KCNH7: variants seen among roughly 807,000 people sequenced by gnomAD.
KCNH7 encodes the protein potassium voltage-gated channel subfamily H member 7.
In KCNH7, 49 loss-of-function variants were observed where a neutral mutation model predicts 120.8. The ratio of observed to expected loss-of-function variants is 0.41; its 90% CI spans 0.32 to 0.51. The LOEUF (loss-of-function observed/expected upper bound fraction) is 0.51, where lower values mean the gene tolerates loss of function less well. Among genes scored for constraint, KCNH7 ranks in the 20% least tolerant of loss-of-function variants. The pLI is 0.38. For missense variants in KCNH7, 1,097 were observed against 1,446.6 expected (o/e 0.76, Z 3.92); for synonymous variants, 547 against 516.1 (o/e 1.06, Z -0.81).
At chr2:162,507,678 A>G (rs1339829650) in intron 5 of KCNH7, among the ~76,000 whole-genome samples, 1 of 151,628 alleles carries the variant, frequency 6.6e-6, no homozygotes, top group Non-Finnish European at 1.5e-5. Flanking sequence ...ATTGCATTAT[A>G]TCACAGAAGG....
chr2:162,423,986 C>T (rs1687783338), intron 8 of KCNH7, among the ~76,000 whole-genome samples: 1 of 152,032 alleles, frequency 6.6e-6, no homozygotes, highest in Admixed American at 6.6e-5. Flanking sequence ...TTATTTCTGC[C>T]TTTCAGCCTC....
chr2:162,838,624 G>C lies in KCNH7; in HGVS notation c.-106C>G. On this transcript the variant is annotated 5_prime_UTR_variant, in exon 1 of 16. Coordinates refer to ENST00000332142, the MANE Select transcript of KCNH7 (RefSeq NM_033272.4). ...AGCGCGCGAGCCGCTCTTTGTGGCAGAGCATCCTCTTTTGAAACCAGAATT... is the reference window on the plus strand; with the variant it reads ...AGCGCGCGAGCCGCTCTTTGTGGCACAGCATCCTCTTTTGAAACCAGAATT... The C allele has an allele frequency of 1.2e-6, 1 of 821,128 alleles. No individual in the cohort carries two copies. Among genetic ancestry groups the C allele is most frequent in the Non-Finnish European group, 2.0e-6 (1 of 511,300 alleles). 50.9% of individuals were successfully genotyped at this position (821,128 alleles called of 1,614,324 possible).
intron 2 of KCNH7, among the ~76,000 whole-genome samples, chr2:162,577,502 T>C (rs1693728645): frequency 6.6e-6 from 1 of 151,968 alleles, no homozygotes; most frequent in South Asian, 2.1e-4. Flanking sequence ...TGGCCTTTAA[T>C]TGAGAAAATA....
chr2:162,778,490 A>G (rs1408566394), intron 2 of KCNH7, among the ~76,000 whole-genome samples: 2 of 152,146 alleles, frequency 1.3e-5, no homozygotes, highest in African/African-American at 4.8e-5. Flanking sequence ...CAAATCCTTT[A>G]TCTTCTCATT....
chr2:162,705,974 G>T (rs2105350185), intron 2 of KCNH7, among the ~76,000 whole-genome samples: 1 of 152,254 alleles, frequency 6.6e-6, no homozygotes, highest in South Asian at 2.1e-4. Flanking sequence ...AAATGTACTT[G>T]ATTTAAAAGT....
intron 2 of KCNH7, among the ~76,000 whole-genome samples, chr2:162,679,090 T>C (rs955163903): frequency 3.3e-5 from 5 of 151,628 alleles, no homozygotes; most frequent in Admixed American, 6.6e-5. Context: ...AGCAGCATGT[T>C]ATCCTGGAAT....
intron 2 of KCNH7, among the ~76,000 whole-genome samples, chr2:162,627,372 A>G (rs1683597926): frequency 6.6e-6 from 1 of 152,200 alleles, no homozygotes; most frequent in Admixed American, 6.5e-5. Flanking sequence ...ATAGTTAAAT[A>G]TATGAAAAAA....
At chr2:162,453,621 G>A (rs551207158) in intron 6 of KCNH7, among the ~76,000 whole-genome samples, 37 of 151,994 alleles carry the variant, frequency 2.4e-4, no homozygotes, top group Admixed American at 4.6e-4. Flanking sequence ...CCTTGCCAGC[G>A]TCTTTGTTTC....
chr2:162,777,811 G>A (rs1435002), intron 2 of KCNH7, among the ~76,000 whole-genome samples: 42,448 of 151,868 alleles, frequency 0.28, 6,848 homozygotes, highest in African/African-American at 0.45. Context: ...AGAATACTAT[G>A]TATTTTATTT....
At chr2:162,638,827 G>A (rs1684050187) in intron 2 of KCNH7, among the ~76,000 whole-genome samples, 1 of 152,108 alleles carries the variant, frequency 6.6e-6, no homozygotes, top group Non-Finnish European at 1.5e-5. Context: ...CCTAGAGAAA[G>A]TAGGTTTAGT....
chr2:162,542,348 C>A (rs1291325241), intron 2 of KCNH7, among the ~76,000 whole-genome samples: 1 of 149,884 alleles, frequency 6.7e-6, no homozygotes, highest in East Asian at 2.0e-4. Flanking sequence ...GTGCTGCACC[C>A]ATTAACTCGT....
At chr2:162,694,707 A>AAATACAACTT (rs1686228685) in intron 2 of KCNH7, among the ~76,000 whole-genome samples, 1 of 152,090 alleles carries the variant, frequency 6.6e-6, no homozygotes, top group Admixed American at 6.5e-5. Flanking sequence ...AGATTGCCTG[A>AAATACAACTT]AATACAACTT....
chr2:162,392,466 G>A (rs1345080774), intron 12 of KCNH7, among the ~76,000 whole-genome samples: 1 of 151,882 alleles, frequency 6.6e-6, no homozygotes, highest in Non-Finnish European at 1.5e-5. Flanking sequence ...ATTCATTGAG[G>A]AGAAAAGAGA....
chr2:162,494,769 G>A (rs749023882), intron 6 of KCNH7, among the ~76,000 whole-genome samples: 1 of 152,044 alleles, frequency 6.6e-6, no homozygotes, highest in African/African-American at 2.4e-5. Context: ...TGAAACACAA[G>A]TTTCTGATAT....
At chr2:162,569,393 T>G (rs939918437) in intron 2 of KCNH7, among the ~76,000 whole-genome samples, 33 of 151,126 alleles carry the variant, frequency 2.2e-4, no homozygotes, top group African/African-American at 7.8e-4. Flanking sequence ...TATCATTTTT[T>G]ATTGCGTCTA....
chr2:162,746,777 A>G (rs1688331257), intron 2 of KCNH7, among the ~76,000 whole-genome samples: 1 of 152,188 alleles, frequency 6.6e-6, no homozygotes, highest in African/African-American at 2.4e-5. Context: ...TATGGATAGT[A>G]TAATTATCAC....
chr2:162,509,686 C>T (rs982089733), intron 5 of KCNH7, among the ~76,000 whole-genome samples: 1 of 151,480 alleles, frequency 6.6e-6, no homozygotes, highest in Non-Finnish European at 1.5e-5. Context: ...ATTTGCAAAT[C>T]CTTATCAGAT....
chr2:162,778,042 A>C (rs1266673928), intron 2 of KCNH7, among the ~76,000 whole-genome samples: 2 of 152,102 alleles, frequency 1.3e-5, no homozygotes, highest in African/African-American at 4.8e-5. Context: ...AATTCAATAA[A>C]ATTTAAGTTC....
intron 2 of KCNH7, among the ~76,000 whole-genome samples, chr2:162,769,925 A>C (rs1368815185): frequency 2.6e-5 from 4 of 152,132 alleles, no homozygotes; most frequent in Admixed American, 6.6e-5. Context: ...GTGTATAATC[A>C]TGTTTTTAAC....
Sources: allele counts gnomAD v4.1 joint callset (sites outside exome capture counted in the v4.1 genomes callset), GRCh38; gene constraint gnomAD v4.1.1; transcripts MANE v1.5; gene names NCBI Gene and HGNC (gene_info 2026-07-23, HGNC 2026-07-21).